Variants in BBX observed in about 807,000 individuals in gnomAD.
The protein encoded by BBX is BBX high mobility group box domain containing, also known as HMG box transcription factor BBX.
A neutral mutation model predicts 100.2 loss-of-function variants in BBX; 30 were observed. The observed-to-expected ratio is 0.30, with a 90% confidence interval of 0.22 to 0.41. BBX has a LOEUF of 0.41. Ranked by LOEUF, BBX falls within the 10% of genes least tolerant of loss-of-function variation. BBX has a pLI of 1.00. For synonymous variants in BBX, 376 were observed against 388.1 expected, an observed-to-expected ratio of 0.97 and a Z score of 0.37; for missense variants, 1,023 against 1,129.8, an observed-to-expected ratio of 0.91 and a Z score of 1.35.
rs997185055 is a variant in BBX at position 107,576,162 on chromosome 3, G to A, written c.-84+49764G>A. On this transcript the variant is annotated intron_variant, in intron 2 of 17. Transcript: ENST00000325805. ...CATATTCTCATTTAATTTTTACCAC[G>A]ACCAGTGGTTGCCATTATTATCTTT... Among the ~76,000 whole-genome samples the A allele has an allele frequency of 3.1e-4, 47 of 152,138 alleles. 1 individual carries two copies. Among genetic ancestry groups the A allele is most frequent in the Non-Finnish European group, 1.2e-4 (8 of 68,020 alleles).
At chr3:107,568,523 T>C (rs576879507) in intron 2 of BBX, among the ~76,000 whole-genome samples, 1 of 152,250 alleles carries the variant, frequency 6.6e-6, no homozygotes, top group Admixed American at 6.5e-5. Context: ...CCTCCCAAAG[T>C]GCTGGGATTA....
intron 3 of BBX, among the ~76,000 whole-genome samples, chr3:107,652,252 A>G (rs778273964): frequency 3.9e-5 from 6 of 152,172 alleles, no homozygotes; most frequent in Non-Finnish European, 8.8e-5. Flanking sequence ...TGTGTTCTAC[A>G]TCACTAGAAT....
intron 3 of BBX, among the ~76,000 whole-genome samples, chr3:107,685,343 C>T (rs188556006): frequency 7.2e-5 from 11 of 152,150 alleles, no homozygotes; most frequent in Admixed American, 2.6e-4. Context: ...TTTGGTATAA[C>T]GAATGTTGAG....
chr3:107,567,776 T>C (rs1410526928), intron 2 of BBX, among the ~76,000 whole-genome samples: 1 of 152,220 alleles, frequency 6.6e-6, no homozygotes, highest in Admixed American at 6.5e-5. Context: ...ATTTCCACTT[T>C]CCAGACTTTT....
At chr3:107,631,736 C>T (rs1418473685) in intron 2 of BBX, among the ~76,000 whole-genome samples, 3 of 152,068 alleles carry the variant, frequency 2.0e-5, no homozygotes. Context: ...GTCAATTTTC[C>T]TTAGCTACGG....
At chr3:107,567,928 A>G (rs774225911) in intron 2 of BBX, among the ~76,000 whole-genome samples, 2 of 151,970 alleles carry the variant, frequency 1.3e-5, no homozygotes, top group Non-Finnish European at 2.9e-5. Context: ...ATCTACAGTT[A>G]TAGGTATTTG....
chr3:107,603,139 TG>T (rs1452588674), intron 2 of BBX, among the ~76,000 whole-genome samples: 1 of 151,956 alleles, frequency 6.6e-6, no homozygotes, highest in East Asian at 1.9e-4. Flanking sequence ...AATTTTTTTT[TG>T]TTTTTAGTAG....
At chr3:107,560,997 G>A (rs1220626649) in intron 2 of BBX, among the ~76,000 whole-genome samples, 1 of 152,174 alleles carries the variant, frequency 6.6e-6, no homozygotes, top group African/African-American at 2.4e-5. Flanking sequence ...GTGCATTGTA[G>A]AATGTTTAGC....
intron 5 of BBX, among the ~76,000 whole-genome samples, chr3:107,724,489 A>G (rs967596847): frequency 3.3e-5 from 5 of 152,304 alleles, no homozygotes; most frequent in Middle Eastern, 3.4e-3. Context: ...GCCCATGCCT[A>G]TGTCCTGAAT....
chr3:107,637,753 G>A (rs1034780079), intron 2 of BBX, among the ~76,000 whole-genome samples: 16 of 152,136 alleles, frequency 1.1e-4, no homozygotes. Flanking sequence ...ACCAGCTGAT[G>A]GCCTTTTGTG....
chr3:107,679,479 CTAATGAACATTTAT>C (rs1302265561), intron 3 of BBX, among the ~76,000 whole-genome samples: 1 of 152,026 alleles, frequency 6.6e-6, no homozygotes, highest in Non-Finnish European at 1.5e-5. Context: ...AGCCATTGAT[CTAATGAACATTTAT>C]TAAGCACCTA....
intron 10 of BBX, among the ~76,000 whole-genome samples, chr3:107,762,377 A>G (rs535909128): frequency 5.5e-4 from 84 of 152,384 alleles, no homozygotes; most frequent in African/African-American, 1.9e-3. Context: ...CCCAGATTTT[A>G]GTGTTGAGAG....
intron 9 of BBX, among the ~76,000 whole-genome samples, chr3:107,749,865 C>T (rs145722097): frequency 0.016 from 2,503 of 152,130 alleles, 67 homozygotes; most frequent in African/African-American, 0.057. Context: ...AACTCCTGAC[C>T]TCAGGTGATC....
chr3:107,549,818 G>A (rs748002546), intron 2 of BBX, among the ~76,000 whole-genome samples: 1 of 150,670 alleles, frequency 6.6e-6, no homozygotes, highest in African/African-American at 2.4e-5. Flanking sequence ...GCTATTAAGT[G>A]GGTGTTTTGG....
At chr3:107,579,168 A>T (rs929146041) in intron 2 of BBX, among the ~76,000 whole-genome samples, 2 of 152,094 alleles carry the variant, frequency 1.3e-5, no homozygotes, top group Non-Finnish European at 1.5e-5. Flanking sequence ...CTTTTAAGAT[A>T]GGCTTTATTG....
chr3:107,722,948 A>G (rs1346029361), intron 5 of BBX, among the ~76,000 whole-genome samples: 2 of 152,012 alleles, frequency 1.3e-5, no homozygotes, highest in Non-Finnish European at 2.9e-5. Context: ...GTGGATGGGA[A>G]GAGAAACAGC....
chr3:107,537,931 T>A (rs1292685094), intron 2 of BBX, among the ~76,000 whole-genome samples: 1 of 152,206 alleles, frequency 6.6e-6, no homozygotes, highest in African/African-American at 2.4e-5. Context: ...TGTTCAAAGC[T>A]CACATCAGTA....
At chr3:107,618,395 C>T (rs2055465658) in intron 2 of BBX, among the ~76,000 whole-genome samples, 1 of 151,968 alleles carries the variant, frequency 6.6e-6, no homozygotes, top group Non-Finnish European at 1.5e-5. Flanking sequence ...TTTCTGTTTT[C>T]AATTTTACTG....
chr3:107,746,604 G>A (rs770680176), intron 8 of BBX, among the ~76,000 whole-genome samples: 17 of 151,926 alleles, frequency 1.1e-4, no homozygotes, highest in South Asian at 8.3e-4. Context: ...TAATTACTCA[G>A]TCAGTCTCTC....
Sources: gnomAD v4.1 joint callset for allele counts (sites outside exome capture counted in the v4.1 genomes callset) on GRCh38, gnomAD v4.1.1 for gene constraint, MANE v1.5 for transcripts, NCBI Gene and HGNC (gene_info 2026-07-23, HGNC 2026-07-21) for gene names.